CRIP2: variants seen among roughly 807,000 people sequenced by gnomAD.
CRIP2 encodes the protein cysteine rich protein 2.
CRIP2 carries 31 observed loss-of-function variants against 31.3 expected under a neutral mutation model. The observed-to-expected ratio is 0.99, with a 90% confidence interval of 0.74 to 1.34. The LOEUF is 1.34. Ranked by LOEUF, CRIP2 falls within the 40% of genes most tolerant of loss-of-function variation. The pLI is 0.00. For synonymous variants in CRIP2, 177 were observed against 127.2 expected (o/e 1.39, Z -2.63); for missense variants, 389 against 301.6 (o/e 1.29, Z -2.15).
chr14:105,479,099 T>C, intron 5 of CRIP2, 26 bp from the exon 6 acceptor site: 1 of 1,545,466 alleles, frequency 6.5e-7, no homozygotes, highest in Non-Finnish European at 8.9e-7. Flanking sequence ...GCCCCGGGGC[T>C]CGGCCTCACT....
At chr14:105,479,348 C>T in intron 6 of CRIP2, 88 bp from the exon 7 acceptor site, 5 of 1,575,614 alleles carry the variant, frequency 3.2e-6, no homozygotes, top group Middle Eastern at 1.7e-4. Flanking sequence ...TCCCCCACGG[C>T]GAGCCGGCCT....
At position 105,474,984 on chromosome 14, in the gene CRIP2, C is replaced by T; in HGVS notation, c.43+79C>T. 1 of 1,360,384 alleles carries T rather than the reference C, an allele frequency of 7.4e-7. No homozygotes were observed. Among genetic ancestry groups the T allele is most frequent in the South Asian group, 1.7e-5 (1 of 59,246 alleles). The allele number at this position is 1,360,384 out of a possible 1,614,324, so 84.3% of individuals were successfully genotyped here. On this transcript the variant is annotated intron_variant, in intron 1 of 7. Coordinates refer to ENST00000329146, the MANE Select transcript of CRIP2 (RefSeq NM_001312.4). This position sits in a 1 kb window ranked among gnomAD's most constrained non-coding sequence, Gnocchi z 5.1. Reference sequence around the variant, plus strand: ...CCAGTCCCGCGCCGCAGAGCCGCGGCGTAACTCGGGGTGCGCCCGGCCCCG... The same window carrying T: ...CCAGTCCCGCGCCGCAGAGCCGCGGTGTAACTCGGGGTGCGCCCGGCCCCG...
In CRIP2 at chr14:105,479,768, G is replaced by A. The variant is rs186232944; in HGVS notation, c.*115G>A. The A allele has an allele frequency of 7.7e-5, 92 of 1,201,288 alleles. No homozygotes were observed. In the African/African-American group the frequency reaches 1.3e-3, roughly 17 times the overall value. The allele number at this position is 1,201,288 out of a possible 1,614,324, so 74.4% of individuals were successfully genotyped here. On this transcript the variant is annotated 3_prime_UTR_variant, in exon 8 of 8. Transcript: ENST00000329146. The stretch of plus-strand genomic sequence containing the variant: ...GCCCAGTCCTGCCTGCAAGCCCAGG[G>A]CGAGTATTGGAGGAGGGGCAGCCAC...
chr14:105,477,810 G>C, intron 1 of CRIP2, among the ~76,000 whole-genome samples: 1 of 96,838 alleles, frequency 1.0e-5, no homozygotes, highest in South Asian at 3.7e-4. Flanking sequence ...TTTGTGGGGG[G>C]AGGCGGGCGT....
At chr14:105,475,562 C>G (rs587638830) in intron 1 of CRIP2, 2 of 153,092 alleles carry the variant, frequency 1.3e-5, no homozygotes, top group African/African-American at 4.8e-5. Context: ...TTCCCGCGAA[C>G]GTGAGAGGGA....
chr14:105,474,909 A>G lies in CRIP2; in HGVS notation c.43+4A>G. On this transcript the variant is annotated splice_donor_region_variant and intron_variant, in intron 1 of 7. Coordinates refer to ENST00000329146, the MANE Select transcript of CRIP2 (RefSeq NM_001312.4). This position sits in a 1 kb window ranked among gnomAD's most constrained non-coding sequence, Gnocchi z 5.1. ...TGCGACAAGACCGTGTACTTCGGTG[A>G]GTGCGTGCCCGCTCCCGGCCCGCTC... is the stretch of plus-strand genomic sequence containing the variant. 6.6e-7 allele frequency: 1 copy of G among 1,515,996 alleles called. No individual in the cohort carries two copies. The highest frequency in any genetic ancestry group is 8.8e-7 in the Non-Finnish European group (1 of 1,132,274). 93.9% of individuals were successfully genotyped at this position (1,515,996 alleles called of 1,614,324 possible). A position where few individuals can be genotyped will look rare whatever the true frequency, so the allele number is the denominator to read the frequency against.
At position 105,479,711 on chromosome 14, in the gene CRIP2, C is replaced by G. The variant is rs2084050190; in HGVS notation, c.*58C>G. ...GCGCCCCAGACCCTGCAGGGGCCCC[C>G]CTGCTTGGCTCTGCTGGGAGAGTGC... On this transcript the variant is annotated 3_prime_UTR_variant, in exon 8 of 8. Transcript: ENST00000329146. The G allele has an allele frequency of 2.6e-6, 4 of 1,554,008 alleles. No homozygotes were observed.
At position 105,479,175 on chromosome 14, in the gene CRIP2, T is replaced by G; in HGVS notation, c.457T>G (p.Cys153Gly). ...GGATTGGCACCGGCCCTGCCTGCGCTGCGAGCGCTGCGGGAAGACACTGAC... is the reference window on the plus strand; with the variant it reads ...GGATTGGCACCGGCCCTGCCTGCGCGGCGAGCGCTGCGGGAAGACACTGAC... ...GKDWHRPCLR[C>G]ERCGKTLTPG... The change falls in exon 6 of 8, where the codon TGC becomes GGC. Residue 153 changes from cysteine (C) to glycine (G), a missense_variant. Coordinates refer to ENST00000329146, the MANE Select transcript of CRIP2 (RefSeq NM_001312.4). The G allele has an allele frequency of 6.2e-7, 1 of 1,611,432 alleles. No individual in the cohort carries two copies. The highest frequency in any genetic ancestry group is 8.5e-7 in the Non-Finnish European group (1 of 1,179,396).
chr14:105,479,424 C>G lies in CRIP2; in HGVS notation c.502-12C>G, dbSNP rs782795301. 1 of 1,612,630 alleles carries G rather than the reference C, an allele frequency of 6.2e-7. No homozygotes were observed. The highest frequency in any genetic ancestry group is 2.2e-5 in the East Asian group (1 of 44,898). Reference sequence around the variant, plus strand: ...TGTGGACTCCTCCCTCAGCACCCACCTTCTGCCCCAGCACGACGGCCAGCC... The same window carrying G: ...TGTGGACTCCTCCCTCAGCACCCACGTTCTGCCCCAGCACGACGGCCAGCC... On this transcript the variant is annotated splice_polypyrimidine_tract_variant and intron_variant, in intron 6 of 7. Transcript: ENST00000329146.
In CRIP2 at chr14:105,479,785, G is replaced by A; in HGVS notation, c.*132G>A. On this transcript the variant is annotated 3_prime_UTR_variant, in exon 8 of 8. Transcript: ENST00000329146. ...AGCCCAGGGCGAGTATTGGAGGAGG[G>A]GCAGCCACGGGCAGAGCACCATGCC... 1 of 927,566 alleles carries A rather than the reference G, an allele frequency of 1.1e-6. No homozygotes were observed. Among genetic ancestry groups the A allele is most frequent in the Non-Finnish European group, 1.6e-6 (1 of 609,482 alleles). The allele number at this position is 927,566 out of a possible 1,614,324, so 57.5% of individuals were successfully genotyped here.
upstream of CRIP2, chr14:105,473,137 G>A (rs1295711670): frequency 1.5e-6 from 2 of 1,312,984 alleles, no homozygotes; most frequent in African/African-American, 1.5e-5. Context: ...GCTGGAGAGG[G>A]TTTGGCAGTG....
rs1555436349 is a variant in CRIP2 at position 105,478,329 on chromosome 14, G to A, written c.107G>A (p.Ser36Asn). ...TTCTGCCTCAAGTGCGAGCGCTGCA[G>A]CAAGACGCTGACGCCCGGGGGCCAC... Reference protein sequence around the residue: ...HKFCLKCERCSKTLTPGGHAE... With the variant: ...HKFCLKCERCNKTLTPGGHAE... The change falls in exon 2 of 8, where the codon AGC becomes AAC. Residue 36 changes from serine to asparagine, a missense_variant. By Grantham distance (46) the Ser-to-Asn change is conservative. Transcript: ENST00000329146. This position sits in a 1 kb window ranked among gnomAD's most constrained non-coding sequence, Gnocchi z 4.9. 2 of 1,567,420 alleles carry A rather than the reference G, an allele frequency of 1.3e-6. No homozygotes were observed. The highest frequency in any genetic ancestry group is 1.7e-6 in the Non-Finnish European group (2 of 1,159,708).
At position 105,479,480 on chromosome 14, in the gene CRIP2, C is replaced by T. The variant is rs144595865; in HGVS notation, c.546C>T (p.Leu182=). 7,091 of 1,613,028 alleles carry T rather than the reference C, an allele frequency of 4.4e-3. 211 individuals carry two copies. The South Asian group carries it at 0.054, about 12-fold the overall frequency. ...PYCHKPCYGI[L]FGPKGVNTGA... ...GCCACAAGCCCTGCTATGGAATCCT[C>T]TTCGGACCCAAGGGTGAGTGTAGCC... is the stretch of plus-strand genomic sequence containing the variant. The change falls in exon 7 of 8, where the codon CTC becomes CTT. Residue 182 remains leucine (L), a synonymous_variant. Transcript: ENST00000329146.
At chr14:105,473,592 ATC>A, upstream of CRIP2, 4 of 1,447,138 alleles carry the variant, frequency 2.8e-6, no homozygotes, top group Non-Finnish European at 3.7e-6. Context: ...ATAGGGCCTG[ATC>A]ACTGGGCTTC....
upstream of CRIP2, chr14:105,473,203 T>C (rs879968587): frequency 5.7e-5 from 88 of 1,532,548 alleles, no homozygotes; most frequent in Middle Eastern, 4.6e-4. Flanking sequence ...TAGGGACCCC[T>C]GGGCCTGCCA....
upstream of CRIP2, chr14:105,473,195 G>A: frequency 6.5e-7 from 1 of 1,531,138 alleles, no homozygotes; most frequent in Non-Finnish European, 8.7e-7. Flanking sequence ...GGGACCCCTA[G>A]GGACCCCTGG....
chr14:105,478,969 C>A lies in CRIP2; in HGVS notation c.338-10C>A, dbSNP rs1555436597. The A allele has an allele frequency of 6.4e-7, 1 of 1,558,000 alleles. No homozygotes were observed. Among genetic ancestry groups the A allele is most frequent in the African/African-American group, 1.4e-5 (1 of 73,406 alleles). Reference sequence around the variant, plus strand: ...CGGCCCCGCCCCGCCCTGACTCGTGCGCCCCACAGCCTCCAGTGTCACCAC... The same window carrying A: ...CGGCCCCGCCCCGCCCTGACTCGTGAGCCCCACAGCCTCCAGTGTCACCAC... On this transcript the variant is annotated splice_polypyrimidine_tract_variant and intron_variant, in intron 4 of 7. Coordinates refer to ENST00000329146, the MANE Select transcript of CRIP2 (RefSeq NM_001312.4). The surrounding 1 kb of genome is among the most constrained non-coding windows in gnomAD (Gnocchi z 4.9).
At chr14:105,475,016 G>T in intron 1 of CRIP2, 111 bp downstream of exon 1, 1 of 1,208,798 alleles carries the variant, frequency 8.3e-7, no homozygotes, top group South Asian at 2.4e-5. Flanking sequence ...CCCGGCCCCG[G>T]ACCGAGGATG....
In CRIP2 at chr14:105,478,050, G is replaced by A. The variant is rs988807347; in HGVS notation, c.44-216G>A. Among the ~76,000 whole-genome samples the A allele has an allele frequency of 2.0e-5, 3 of 151,928 alleles. No homozygotes were observed. Among genetic ancestry groups the A allele is most frequent in the Admixed American group, 6.5e-5 (1 of 15,280 alleles). On this transcript the variant is annotated intron_variant, in intron 1 of 7. Transcript: ENST00000329146. The surrounding 1 kb of genome is among the most constrained non-coding windows in gnomAD (Gnocchi z 4.9). ...CTCTAGCGGGGTTCCAGGGCTGGGGGCGCTGAGACCCAGAGGGAGAACAGG... is the reference window on the plus strand; with the variant it reads ...CTCTAGCGGGGTTCCAGGGCTGGGGACGCTGAGACCCAGAGGGAGAACAGG...
Sources: gnomAD v4.1 joint callset for allele counts (sites outside exome capture counted in the v4.1 genomes callset) on GRCh38, gnomAD v4.1.1 for gene constraint, Gnocchi (gnomAD v3.1) non-coding constraint, MANE v1.5 for transcripts, NCBI Gene and HGNC (gene_info 2026-07-23, HGNC 2026-07-21) for gene names.